SPON1: variants seen among roughly 807,000 people sequenced by gnomAD.
SPON1 encodes spondin 1.
Under a neutral mutation model 111.7 loss-of-function variants are expected in SPON1, and 52 were observed. The observed-to-expected ratio is 0.47, with a 90% confidence interval of 0.37 to 0.59. The LOEUF is 0.59. Ranked by LOEUF, SPON1 falls within the 20% of genes least tolerant of loss-of-function variation. The probability of loss-of-function intolerance (pLI) is 0.00; values close to 1 mark genes in which losing one functional copy is unlikely to be tolerated. For synonymous variants in SPON1, 410 were observed against 395.8 expected (o/e 1.04, Z -0.43); for missense variants, 957 against 1,068.5 (o/e 0.90, Z 1.46).
At chr11:14,039,833 T>C (rs1591358966) in intron 2 of SPON1, among the ~76,000 whole-genome samples, 1 of 152,174 alleles carries the variant, frequency 6.6e-6, no homozygotes, top group East Asian at 1.9e-4. Context: ...GAGGTATTCA[T>C]GTCTAGAAAA....
chr11:14,068,465 A>G (rs1554920569), intron 3 of SPON1, among the ~76,000 whole-genome samples: 1 of 152,188 alleles, frequency 6.6e-6, no homozygotes, highest in African/African-American at 2.4e-5. Context: ...GGTAATAATC[A>G]AAGCTGCACA....
intron 3 of SPON1, among the ~76,000 whole-genome samples, chr11:14,045,315 A>G (rs1848660027): frequency 6.6e-6 from 1 of 152,142 alleles, no homozygotes; most frequent in African/African-American, 2.4e-5. Flanking sequence ...CTTGCTTGTA[A>G]TCCCAGCACT....
At chr11:14,081,474 G>T (rs2133833013) in intron 5 of SPON1, among the ~76,000 whole-genome samples, 1 of 152,224 alleles carries the variant, frequency 6.6e-6, no homozygotes, top group Non-Finnish European at 1.5e-5. Flanking sequence ...GGAGGAGAGA[G>T]ATGTCATGAT....
intron 2 of SPON1, among the ~76,000 whole-genome samples, chr11:14,033,606 T>C (rs1025568248): frequency 6.6e-6 from 1 of 152,144 alleles, no homozygotes; most frequent in African/African-American, 2.4e-5. Context: ...TGGGTCATGA[T>C]GTAGGTTTCA....
At chr11:14,204,301 T>C (rs60438359) in intron 6 of SPON1, among the ~76,000 whole-genome samples, 1,769 of 152,228 alleles carry the variant, frequency 0.012, 26 homozygotes, top group African/African-American at 0.041. Flanking sequence ...AAGATTTTCT[T>C]CTTTTCTCTT....
In SPON1 at chr11:14,262,771, A is replaced by C; in HGVS notation, c.2056A>C (p.Lys686Gln). The C allele has an allele frequency of 2.5e-6, 4 of 1,613,982 alleles. No individual in the cohort carries two copies. The highest frequency in any genetic ancestry group is 3.4e-6 in the Non-Finnish European group (4 of 1,179,888). Residue 686 changes from lysine to glutamine, a missense_variant, in exon 15 of 16, where the codon AAA becomes CAA. By Grantham distance (53) the Lys-to-Gln change is moderately conservative. Around this residue, in one of 5 missense-constraint regions of SPON1, gnomAD observed 549 missense variants for 606.2 expected, o/e 0.91. Coordinates refer to ENST00000576479, the MANE Select transcript of SPON1 (RefSeq NM_006108.4). The stretch of plus-strand genomic sequence containing the variant: ...GTCGGAATGTAACAAGTCATGTGGG[A>C]AAGGCCACGTGATTCGAACCCGGAT... The part of the protein sequence containing the change: ...QWSECNKSCG[K>Q]GHVIRTRMIQ...
At chr11:14,152,323 T>C (rs1264570135) in intron 6 of SPON1, among the ~76,000 whole-genome samples, 1 of 152,238 alleles carries the variant, frequency 6.6e-6, no homozygotes, top group Non-Finnish European at 1.5e-5. Flanking sequence ...CAGACTCCAG[T>C]TACAGTACTT....
rs79720447 is a variant in SPON1, at chr11:13,973,182, C to A, written c.239-9665C>A. On this transcript the variant is annotated intron_variant, in intron 1 of 15. Coordinates refer to ENST00000576479, the MANE Select transcript of SPON1 (RefSeq NM_006108.4). ...AAGCCCCTTTCCTTCTAACTACAAA[C>A]TGAAACATCCCAGGGAAGATTGTGA... is the stretch of plus-strand genomic sequence containing the variant. 0.011 allele frequency among the ~76,000 whole-genome samples: 1,670 copies of A among 152,356 alleles called. 79 individuals are homozygous for A. In the East Asian group the frequency reaches 0.12, roughly 11 times the overall value.
chr11:14,250,769 A>G (rs186079984), intron 7 of SPON1, among the ~76,000 whole-genome samples: 7 of 152,356 alleles, frequency 4.6e-5, no homozygotes, highest in Admixed American at 2.0e-4. Context: ...CTCCAGTCCT[A>G]TCTAGCATTT....
rs782332342 is a variant in SPON1, at chr11:14,079,914, G to C, written c.569G>C (p.Gly190Ala). 3 of 1,613,828 alleles carry C rather than the reference G, an allele frequency of 1.9e-6. No individual in the cohort carries two copies. In the South Asian group the frequency reaches 3.3e-5, roughly 18 times the overall value. Residue 190 changes from glycine to alanine, a missense_variant, in exon 5 of 16, where the codon GGG (glycine) becomes GCG (alanine). Transcript: ENST00000576479. ...KLCEQDSTFD[G>A]VTDKPILDCC... is the part of the protein sequence containing the mutation. The stretch of plus-strand genomic sequence containing the variant: ...ACTGTTTCAGATTCCACATTTGATG[G>C]GGTGACTGACAAACCCATCTTAGAC...
intron 5 of SPON1, among the ~76,000 whole-genome samples, chr11:14,126,072 T>A (rs74409763): frequency 0.024 from 3,591 of 152,334 alleles, 140 homozygotes; most frequent in African/African-American, 0.081. Flanking sequence ...AGGGAGAGTC[T>A]GCCTTTTATG....
chr11:14,038,318 G>T (rs1169780817), intron 2 of SPON1, among the ~76,000 whole-genome samples: 1 of 151,732 alleles, frequency 6.6e-6, no homozygotes, highest in Non-Finnish European at 1.5e-5. Context: ...ATACAAAAAA[G>T]TTTAGTCAGA....
chr11:14,261,667 A>C (rs1352996534), intron 14 of SPON1, among the ~76,000 whole-genome samples: 1 of 152,124 alleles, frequency 6.6e-6, no homozygotes, highest in Admixed American at 6.5e-5. Context: ...CCACTAGAGA[A>C]AGCCTGGGGT....
chr11:14,180,742 G>A (rs1848228641), intron 6 of SPON1, among the ~76,000 whole-genome samples: 1 of 152,102 alleles, frequency 6.6e-6, no homozygotes, highest in Non-Finnish European at 1.5e-5. Context: ...ATTATTGGCT[G>A]GACGAACAAA....
chr11:13,966,467 G>T (rs1019667129), intron 1 of SPON1, among the ~76,000 whole-genome samples: 1 of 152,172 alleles, frequency 6.6e-6, no homozygotes, highest in Non-Finnish European at 1.5e-5. Flanking sequence ...CTTACTGGAG[G>T]TCTGTTTATT....
chr11:14,215,883 G>C (rs1848620917), intron 6 of SPON1, among the ~76,000 whole-genome samples: 1 of 152,212 alleles, frequency 6.6e-6, no homozygotes, highest in Admixed American at 6.5e-5. Flanking sequence ...TTCTCAAGTG[G>C]TGGGAAAGGG....
chr11:14,214,532 A>G (rs563728330), intron 6 of SPON1, among the ~76,000 whole-genome samples: 1 of 152,308 alleles, frequency 6.6e-6, no homozygotes, highest in Admixed American at 6.5e-5. Flanking sequence ...CCAACACTTT[A>G]AACTATACAT....
chr11:14,073,759 G>A (rs1050671993), intron 3 of SPON1, among the ~76,000 whole-genome samples: 2 of 152,200 alleles, frequency 1.3e-5, no homozygotes, highest in African/African-American at 4.8e-5. Context: ...TGTAAACTTT[G>A]AGAATGGGTA....
chr11:14,071,734 C>T (rs962841208), intron 3 of SPON1, among the ~76,000 whole-genome samples: 18 of 151,486 alleles, frequency 1.2e-4, no homozygotes, highest in African/African-American at 1.7e-4. Flanking sequence ...TTTTTTGAGA[C>T]GGAGTCTCCC....
Sources: allele counts gnomAD v4.1 joint callset (sites outside exome capture counted in the v4.1 genomes callset), GRCh38; gene constraint gnomAD v4.1.1; regional missense constraint gnomAD v4.1.1; transcripts MANE v1.5; gene names NCBI Gene and HGNC (gene_info 2026-07-23, HGNC 2026-07-21).